GOLGA4: variants seen among roughly 807,000 people sequenced by gnomAD.
GOLGA4 encodes the protein golgin subfamily A member 4.
In GOLGA4, 169 loss-of-function variants were observed where a neutral mutation model predicts 265.9. The ratio of observed to expected loss-of-function variants is 0.64; its 90% confidence interval spans 0.56 to 0.72. GOLGA4 has a LOEUF of 0.72. GOLGA4 is among the 30% of genes least tolerant of loss of function. The pLI is 0.00. For missense variants in GOLGA4, 2,482 were observed against 2,483.4 expected (o/e 1.00, Z 0.01); for synonymous variants, 923 against 855.8 (o/e 1.08, Z -1.37).
chr3:37,266,047 A>T lies in GOLGA4; in HGVS notation c.162+14563A>T, dbSNP rs865979599. Among the ~76,000 whole-genome samples, 40 of 151,262 alleles carry T rather than the reference A, an allele frequency of 2.6e-4. No individual in the cohort carries two copies. In the South Asian group the frequency reaches 3.3e-3, roughly 13 times the overall value. Reference sequence around the variant, plus strand: ...TCTCAAAAAAAAAAAAAAAAAAAAAAATTTTAACGTTATAATACGGTATTG... The same window carrying T: ...TCTCAAAAAAAAAAAAAAAAAAAAATATTTTAACGTTATAATACGGTATTG... On this transcript the variant is annotated intron_variant, in intron 2 of 23. Transcript: ENST00000361924.
In GOLGA4 at chr3:37,338,679, C is replaced by G. The variant is rs764198034; in HGVS notation, c.6396+945C>G. 7.2e-5 allele frequency among the ~76,000 whole-genome samples: 11 copies of G among 152,120 alleles called. No individual in the cohort carries two copies. The East Asian group carries it at 1.7e-3, about 24-fold the overall frequency. On this transcript the variant is annotated intron_variant, in intron 19 of 23. Transcript: ENST00000361924. Reference sequence around the variant, plus strand: ...AGTGTTGTGAAACCATCACTGTTACCCAGTTCCAGAATATTTCATCACCCC... The same window carrying G: ...AGTGTTGTGAAACCATCACTGTTACGCAGTTCCAGAATATTTCATCACCCC...
In GOLGA4 at chr3:37,324,864, G is replaced by A. The variant is rs373179316; in HGVS notation, c.2978G>A (p.Ser993Asn). The change falls in exon 14 of 24, where the codon AGT becomes AAT. Residue 993 changes from serine (S) to asparagine (N), a missense_variant. By Grantham distance (46) the Ser-to-Asn change is conservative. This residue lies in a region of GOLGA4 where 1,536 missense variants were observed against 1,483.7 expected (regional missense o/e 1.04). Transcript: ENST00000361924. The stretch of plus-strand genomic sequence containing the variant: ...CTTGAAAATACTGCTCTAGAGCTTA[G>A]TCAGAAAGAAAAACAGTTTAATGCC... ...KELENTALEL[S>N]QKEKQFNAKM... The A allele has an allele frequency of 6.3e-7, 1 of 1,594,810 alleles. No homozygotes were observed. Among genetic ancestry groups the A allele is most frequent in the African/African-American group, 1.4e-5 (1 of 73,632 alleles).
intron 2 of GOLGA4, among the ~76,000 whole-genome samples, chr3:37,251,763 C>T (rs1416261187): frequency 2.0e-5 from 3 of 152,100 alleles, no homozygotes; most frequent in East Asian, 1.9e-4. Flanking sequence ...CTGCACATTG[C>T]AGCCTTGACC....
chr3:37,275,002 A>G (rs1435598344), intron 2 of GOLGA4, among the ~76,000 whole-genome samples: 2 of 151,742 alleles, frequency 1.3e-5, no homozygotes, highest in Non-Finnish European at 2.9e-5. Flanking sequence ...TCACAAGGTG[A>G]GGGGTTCGAG....
At chr3:37,279,301 A>C (rs1371818760) in intron 2 of GOLGA4, among the ~76,000 whole-genome samples, 1 of 152,182 alleles carries the variant, frequency 6.6e-6, no homozygotes, top group Non-Finnish European at 1.5e-5. Flanking sequence ...CAAGTGGAAA[A>C]CTTCACACCT....
At chr3:37,316,188 AT>A (rs1156882470) in intron 11 of GOLGA4, among the ~76,000 whole-genome samples, 1 of 127,760 alleles carries the variant, frequency 7.8e-6, no homozygotes, top group East Asian at 2.2e-4. Context: ...TTCCTCACCC[AT>A]TTTTTTCTGC....
intron 19 of GOLGA4, among the ~76,000 whole-genome samples, chr3:37,339,916 G>A (rs1159214683): frequency 6.6e-6 from 1 of 150,876 alleles, no homozygotes; most frequent in Non-Finnish European, 1.5e-5. Context: ...CTTTTATTCT[G>A]TGTTCTTTTG....
chr3:37,271,154 G>A (rs1048739701), intron 2 of GOLGA4, among the ~76,000 whole-genome samples: 22 of 152,242 alleles, frequency 1.4e-4, no homozygotes, highest in Non-Finnish European at 2.6e-4. Flanking sequence ...ATGAAGTTTC[G>A]CTTGCTCACC....
At chr3:37,249,012 C>T (rs778774008) in intron 1 of GOLGA4, among the ~76,000 whole-genome samples, 2 of 152,106 alleles carry the variant, frequency 1.3e-5, no homozygotes, top group African/African-American at 2.4e-5. Context: ...TAACTTTTTA[C>T]CACCCAGTGA....
chr3:37,280,405 T>C (rs2096831649), intron 2 of GOLGA4, among the ~76,000 whole-genome samples: 1 of 152,212 alleles, frequency 6.6e-6, no homozygotes, highest in African/African-American at 2.4e-5. Flanking sequence ...AAAAATATGA[T>C]ATAAAATTAC....
chr3:37,309,851 C>G (rs770336034), intron 10 of GOLGA4, among the ~76,000 whole-genome samples: 8 of 152,230 alleles, frequency 5.3e-5, no homozygotes, highest in Admixed American at 3.3e-4. Context: ...TCTCACAGAT[C>G]CTCTGAAAGG....
rs777487210 is a variant in GOLGA4, at chr3:37,324,622, G to A, written c.2736G>A (p.Met912Ile). ...AAATCTTGGTGGAAAAGGAAAATAT[G>A]ATTTTACAAATGAGAGAAGGACAGA... ...TKQILVEKEN[M>I]ILQMREGQKK... The change falls in exon 14 of 24, where the codon ATG becomes ATA. Residue 912 changes from methionine (M) to isoleucine (I), a missense_variant. Physicochemically the swap from Met to Ile is conservative, Grantham distance 10. This residue lies in a region of GOLGA4 where 1,536 missense variants were observed against 1,483.7 expected (regional missense o/e 1.04). Coordinates refer to ENST00000361924, the MANE Select transcript of GOLGA4 (RefSeq NM_002078.5). The A allele has an allele frequency of 1.9e-6, 3 of 1,613,008 alleles. No individual in the cohort carries two copies. The highest frequency in any genetic ancestry group is 1.1e-5 in the South Asian group (1 of 91,020).
intron 2 of GOLGA4, among the ~76,000 whole-genome samples, chr3:37,260,962 T>C (rs1339379431): frequency 2.7e-5 from 4 of 148,992 alleles, no homozygotes; most frequent in Non-Finnish European, 5.9e-5. Context: ...AACCCAGGAG[T>C]TGGAGACCAG....
chr3:37,304,721 C>CA (rs1399595736), intron 10 of GOLGA4, among the ~76,000 whole-genome samples: 2 of 152,094 alleles, frequency 1.3e-5, no homozygotes, highest in East Asian at 3.9e-4. Context: ...AAAAGGTAGA[C>CA]AAAATATATA....
At chr3:37,303,390 T>C (rs187006897) in intron 10 of GOLGA4, among the ~76,000 whole-genome samples, 2 of 152,310 alleles carry the variant, frequency 1.3e-5, no homozygotes, top group Admixed American at 1.3e-4. Flanking sequence ...GTAGAATCTG[T>C]AGAATTTGGT....
At chr3:37,334,402 A>G (rs1036590682) in intron 16 of GOLGA4, among the ~76,000 whole-genome samples, 4 of 152,062 alleles carry the variant, frequency 2.6e-5, no homozygotes, top group Middle Eastern at 3.2e-3. Context: ...TTAGTAGAAC[A>G]TTTTACCTCA....
chr3:37,365,585 G>A (rs1215166551), intron 23 of GOLGA4, among the ~76,000 whole-genome samples: 3 of 151,916 alleles, frequency 2.0e-5, no homozygotes, highest in Admixed American at 2.0e-4. Flanking sequence ...TTTAATTCCA[G>A]TCCAATATTT....
intron 20 of GOLGA4, among the ~76,000 whole-genome samples, chr3:37,346,914 C>A (rs2097058359): frequency 6.6e-6 from 1 of 152,056 alleles, no homozygotes; most frequent in East Asian, 1.9e-4. Context: ...AAATTCTAAA[C>A]CCAAAGTAAT....
intron 18 of GOLGA4, 105 bp downstream of exon 18, chr3:37,337,268 T>G: frequency 1.5e-6 from 1 of 665,608 alleles, no homozygotes; most frequent in Non-Finnish European, 2.6e-6. Flanking sequence ...GATGCAATCT[T>G]GGCTCACTGC....
Sources: allele counts gnomAD v4.1 joint callset (sites outside exome capture counted in the v4.1 genomes callset), GRCh38; gene constraint gnomAD v4.1.1; regional missense constraint gnomAD v4.1.1; transcripts MANE v1.5; gene names NCBI Gene and HGNC (gene_info 2026-07-23, HGNC 2026-07-21).